The following SH3KBP1 variants were observed in gnomAD, a reference collection of about 807,000 sequenced individuals.
The protein encoded by SH3KBP1 is SH3 domain containing kinase binding protein 1.
Under a neutral mutation model 50.1 loss-of-function variants are expected in SH3KBP1, and 8 were observed. That is an observed-to-expected ratio of 0.16 (90% CI 0.09 to 0.29). SH3KBP1 has a LOEUF of 0.29. Among genes scored for constraint, SH3KBP1 ranks in the 10% least tolerant of loss-of-function variants. The pLI is 1.00. For synonymous variants in SH3KBP1, 227 were observed against 218.6 expected, an observed-to-expected ratio of 1.04 and a Z score of -0.34; for missense variants, 377 against 535.2, an observed-to-expected ratio of 0.70 and a Z score of 2.92.
Position 19,887,540 on chromosome X carries a change from G to A in SH3KBP1, c.-230C>T, listed in dbSNP as rs1603294980. ...CGGGGCGACTCCTGCTGCTGCTGTT[G>A]CATCGCGGCCCAATGCGCCCGGCTG... On this transcript the variant is annotated 5_prime_UTR_variant, in exon 1 of 18. It introduces an in-frame stop codon into an upstream open reading frame of the 5' UTR. Transcript: ENST00000397821. 4.8e-6 allele frequency: 1 copy of A among 210,238 alleles called. No homozygotes were observed. Among genetic ancestry groups the A allele is most frequent in the Non-Finnish European group, 8.5e-6 (1 of 117,861 alleles). The allele number at this position is 210,238 out of a possible 1,213,427, so 17.3% of individuals were successfully genotyped here. A position where few individuals can be genotyped will look rare whatever the true frequency, so the allele number is the denominator to read the frequency against.
rs1048860941 is a variant in SH3KBP1 at position 19,837,018 on chromosome X, C to A, written c.5-736G>T. 1.3e-4 allele frequency among the ~76,000 whole-genome samples: 15 copies of A among 112,195 alleles called. No homozygotes were observed. In the East Asian group the frequency reaches 3.9e-3, roughly 29 times the overall value. ...GTTTCCTGAGGCCTCCCCAGCCATA[C>A]TGAACTGAGTCAATTAAACCTCTTT... On this transcript the variant is annotated intron_variant, in intron 1 of 17. Transcript: ENST00000397821.
At chrX:19,584,913 C>A (rs899386473) in intron 12 of SH3KBP1, among the ~76,000 whole-genome samples, 2 of 111,549 alleles carry the variant, frequency 1.8e-5, no homozygotes, top group Non-Finnish European at 3.8e-5. Context: ...CATCCATTCA[C>A]CTGGTCAGGT....
intron 6 of SH3KBP1, among the ~76,000 whole-genome samples, chrX:19,653,797 C>G (rs1375031491): frequency 1.1e-5 from 1 of 93,329 alleles, no homozygotes; most frequent in Non-Finnish European, 2.1e-5. Flanking sequence ...CACACACACA[C>G]ACACACACAC....
At chrX:19,640,193 A>T (rs774417786) in intron 7 of SH3KBP1, among the ~76,000 whole-genome samples, 46 of 112,026 alleles carry the variant, frequency 4.1e-4, no homozygotes, top group Non-Finnish European at 6.6e-4. Flanking sequence ...TAAAAAAATT[A>T]TATCAGGAAG....
chrX:19,832,293 C>T (rs1165487999), intron 2 of SH3KBP1, among the ~76,000 whole-genome samples: 1 of 111,854 alleles, frequency 8.9e-6, no homozygotes, highest in African/African-American at 3.3e-5. Context: ...GTGACCAGCA[C>T]TGTGGCACAC....
At chrX:19,743,945 T>C (rs780884113) in intron 3 of SH3KBP1, among the ~76,000 whole-genome samples, 16 of 112,814 alleles carry the variant, frequency 1.4e-4, no homozygotes, top group Non-Finnish European at 2.3e-4. Context: ...GTGTTCATTC[T>C]ATTAAATTCT....
chrX:19,828,524 G>A (rs748949715), intron 2 of SH3KBP1, among the ~76,000 whole-genome samples: 2 of 111,267 alleles, frequency 1.8e-5, no homozygotes, highest in Admixed American at 1.9e-4. Context: ...GCCCACGCCT[G>A]TAATCCCAGC....
intron 5 of SH3KBP1, among the ~76,000 whole-genome samples, chrX:19,686,394 T>G (rs1266017918): frequency 9.0e-6 from 1 of 111,703 alleles, no homozygotes; most frequent in African/African-American, 3.3e-5. Context: ...GGTTACACTC[T>G]TGGGTGGTGC....
rs755748723 is a variant in SH3KBP1 at position 19,697,922 on chromosome X, G to A, written c.391-2181C>T. On this transcript the variant is annotated intron_variant, in intron 4 of 17. Transcript: ENST00000397821. ...ACATTTGCACAATCACAAAATCTTC[G>A]GGAGAGAATCCAGATGACGGCATTC... 1.2e-4 allele frequency among the ~76,000 whole-genome samples: 14 copies of A among 112,027 alleles called. No individual in the cohort carries two copies. The South Asian group carries it at 2.6e-3, about 21-fold the overall frequency.
At position 19,536,387 on chromosome X, in the gene SH3KBP1, GA is replaced by G. The variant is rs1375918590; in HGVS notation, c.*29del. On this transcript the variant is annotated 3_prime_UTR_variant, in exon 18 of 18. Coordinates refer to ENST00000397821, the MANE Select transcript of SH3KBP1 (RefSeq NM_031892.3). ...AAAATTTGAGTCTCGGACTCAGGAT[GA>G]ATAATGTGACATTTCATTGATCAAG... is the stretch of plus-strand genomic sequence containing the variant. The G allele has an allele frequency of 9.5e-7, 1 of 1,047,910 alleles. No individual in the cohort carries two copies. Among genetic ancestry groups the G allele is most frequent in the Admixed American group, 2.4e-5 (1 of 40,971 alleles). 86.4% of individuals were successfully genotyped at this position (1,047,910 alleles called of 1,213,427 possible).
intron 6 of SH3KBP1, chrX:19,648,141 A>G (rs757321747): frequency 1.6e-5 from 6 of 364,657 alleles, no homozygotes; most frequent in African/African-American, 1.6e-4. Flanking sequence ...CTACTAAATG[A>G]CTCAGTTCAG....
chrX:19,589,410 C>T (rs906755280), intron 11 of SH3KBP1, among the ~76,000 whole-genome samples: 1 of 111,661 alleles, frequency 9.0e-6, no homozygotes, highest in African/African-American at 3.3e-5. Flanking sequence ...TGAAAAGGGC[C>T]ATGAGCAAAT....
At chrX:19,867,337 G>A (rs2068937580) in intron 1 of SH3KBP1, among the ~76,000 whole-genome samples, 1 of 111,209 alleles carries the variant, frequency 9.0e-6, no homozygotes, top group African/African-American at 3.3e-5. Flanking sequence ...AGGGAAGAGG[G>A]AATTATGTCT....
intron 8 of SH3KBP1, among the ~76,000 whole-genome samples, chrX:19,628,724 T>C (rs1199193615): frequency 8.9e-6 from 1 of 111,790 alleles, no homozygotes; most frequent in African/African-American, 3.3e-5. Context: ...CAGCAAGCTC[T>C]AAAATGGGCC....
intron 1 of SH3KBP1, among the ~76,000 whole-genome samples, chrX:19,874,815 G>GGGGAAT (rs1280920830): frequency 9.5e-5 from 10 of 105,591 alleles, no homozygotes; most frequent in Non-Finnish European, 2.0e-4. Flanking sequence ...AGGGGGTGCA[G>GGGGAAT]GGGAATGGGA....
At chrX:19,617,718 A>G (rs1476240560) in intron 8 of SH3KBP1, among the ~76,000 whole-genome samples, 1 of 111,951 alleles carries the variant, frequency 8.9e-6, no homozygotes, top group Non-Finnish European at 1.9e-5. Context: ...TATTTTTATG[A>G]CATACTGCTG....
At chrX:19,563,939 G>A (rs1322613647) in intron 13 of SH3KBP1, among the ~76,000 whole-genome samples, 1 of 111,265 alleles carries the variant, frequency 9.0e-6, no homozygotes, top group African/African-American at 3.3e-5. Flanking sequence ...CACACGCTCA[G>A]CCAGTAGTCA....
At chrX:19,638,324 G>A (rs1393876412) in intron 7 of SH3KBP1, among the ~76,000 whole-genome samples, 1 of 107,234 alleles carries the variant, frequency 9.3e-6, no homozygotes, top group Non-Finnish European at 1.9e-5. Flanking sequence ...GCAGGAGAAT[G>A]GTGTGAACCC....
chrX:19,595,128 C>G, intron 9 of SH3KBP1, 128 bp from the exon 10 acceptor site: 1 of 506,682 alleles, frequency 2.0e-6, no homozygotes, highest in African/African-American at 2.3e-5. Flanking sequence ...AAAAATTGAG[C>G]AATTCTCTCT....
Sources: gnomAD v4.1 joint callset for allele counts (sites outside exome capture counted in the v4.1 genomes callset) on GRCh38, gnomAD v4.1.1 for gene constraint, MANE v1.5 for transcripts, NCBI Gene and HGNC (gene_info 2026-07-23, HGNC 2026-07-21) for gene names.